IQCM: variants seen among roughly 807,000 people sequenced by gnomAD.
IQCM encodes IQ motif containing M.
Under a neutral mutation model 57.6 loss-of-function variants are expected in IQCM, and 45 were observed. The observed-to-expected ratio is 0.78, with a 90% CI of 0.62 to 1.00. The LOEUF (loss-of-function observed/expected upper bound fraction) is 1.00, where lower values mean the gene tolerates loss of function less well. Among genes scored for constraint, IQCM ranks in the 50% least tolerant of loss-of-function variants. The pLI is 0.00. For missense variants in IQCM, 468 were observed against 511.6 expected, an observed-to-expected ratio of 0.91 and a Z score of 0.82; for synonymous variants, 148 against 158.9, an observed-to-expected ratio of 0.93 and a Z score of 0.51.
chr4:149,358,286 A>G (rs541448201), intron 13 of IQCM, among the ~76,000 whole-genome samples: 14 of 152,164 alleles, frequency 9.2e-5, no homozygotes, highest in African/African-American at 2.4e-4. Flanking sequence ...GCCCTCTGCT[A>G]GCTTTTGAAT....
chr4:149,619,133 C>CAT (rs1335164744), intron 8 of IQCM, among the ~76,000 whole-genome samples: 3 of 95,224 alleles, frequency 3.2e-5, no homozygotes, highest in African/African-American at 1.1e-4. Context: ...TATATATATA[C>CAT]ACCATGGAAT....
chr4:149,352,097 A>G (rs1427032473), intron 13 of IQCM, 31 bp from the exon 14 acceptor site: 1 of 398,772 alleles, frequency 2.5e-6, no homozygotes, highest in Non-Finnish European at 4.4e-6. Flanking sequence ...TCACATTAAT[A>G]TATTTTCAAT....
intron 7 of IQCM, among the ~76,000 whole-genome samples, chr4:149,645,083 T>A (rs1179770667): frequency 6.6e-6 from 1 of 152,164 alleles, no homozygotes; most frequent in Non-Finnish European, 1.5e-5. Flanking sequence ...AGGATTTGGA[T>A]TTCTTCATTT....
chr4:149,813,485 G>A lies in IQCM; in HGVS notation c.-49+1826C>T, dbSNP rs180885861. ...AAAGCTCAATCTTAAGTCAGTGACA[G>A]GAAAAGCCAAGAATTAACTAGTTAC... On this transcript the variant is annotated intron_variant, in intron 2 of 13. Transcript: ENST00000636793. Among the ~76,000 whole-genome samples the A allele has an allele frequency of 6.8e-3, 1,031 of 152,090 alleles. 6 individuals carry two copies. The highest frequency in any genetic ancestry group is 0.01 in the Non-Finnish European group (705 of 67,936).
At chr4:149,377,964 G>A (rs892169587) in intron 13 of IQCM, among the ~76,000 whole-genome samples, 7 of 152,052 alleles carry the variant, frequency 4.6e-5, no homozygotes, top group South Asian at 4.2e-4. Flanking sequence ...CTCGTGTTGT[G>A]GGAGGGACCA....
intron 5 of IQCM, among the ~76,000 whole-genome samples, chr4:149,732,126 C>G (rs1220734612): frequency 6.6e-6 from 1 of 152,106 alleles, no homozygotes; most frequent in Admixed American, 6.6e-5. Context: ...TCACCTCTTC[C>G]CCCACCTACA....
At chr4:149,734,879 T>G (rs1766791388) in intron 4 of IQCM, among the ~76,000 whole-genome samples, 1 of 152,278 alleles carries the variant, frequency 6.6e-6, no homozygotes, top group Admixed American at 6.6e-5. Flanking sequence ...CAATCATTAT[T>G]GCTAGAGATA....
At chr4:149,769,289 G>A (rs1770342989) in intron 2 of IQCM, among the ~76,000 whole-genome samples, 1 of 151,962 alleles carries the variant, frequency 6.6e-6, no homozygotes, top group Non-Finnish European at 1.5e-5. Context: ...ATATTCAACT[G>A]CCTGCTGGAC....
intron 13 of IQCM, among the ~76,000 whole-genome samples, chr4:149,404,931 A>T (rs1212915422): frequency 6.6e-6 from 1 of 152,118 alleles, no homozygotes; most frequent in Non-Finnish European, 1.5e-5. Context: ...TCTATATAGC[A>T]AGCATAATTT....
intron 2 of IQCM, among the ~76,000 whole-genome samples, chr4:149,772,950 G>A (rs561904804): frequency 6.6e-6 from 1 of 152,282 alleles, no homozygotes; most frequent in Non-Finnish European, 1.5e-5. Context: ...GTTGTATAAA[G>A]AACTCTTAAA....
chr4:149,676,512 AAC>A (rs1471096858), intron 7 of IQCM, among the ~76,000 whole-genome samples: 3 of 152,030 alleles, frequency 2.0e-5, no homozygotes, highest in African/African-American at 4.8e-5. Flanking sequence ...GCATTATCTA[AAC>A]ACTTTGAGGT....
chr4:149,442,953 CAGAGAGAGAGAGAG>C (rs56890715), intron 12 of IQCM, among the ~76,000 whole-genome samples: 158 of 98,054 alleles, frequency 1.6e-3, no homozygotes, highest in African/African-American at 4.5e-3. Flanking sequence ...CACACACACA[CAGAGAGAGAGAGAG>C]AGAGAGAGAG....
intron 12 of IQCM, among the ~76,000 whole-genome samples, chr4:149,469,768 G>A (rs367956572): frequency 1.2e-4 from 18 of 152,286 alleles, no homozygotes; most frequent in Middle Eastern, 3.4e-3. Context: ...GACTAACAGC[G>A]GATCTCTCGG....
chr4:149,807,268 A>G (rs985617424), intron 2 of IQCM, among the ~76,000 whole-genome samples: 9 of 152,004 alleles, frequency 5.9e-5, no homozygotes, highest in Non-Finnish European at 1.5e-5. Context: ...ATTCTAAAAA[A>G]GCTACGGTAA....
chr4:149,483,010 CTAGGAA>C (rs749561640), intron 12 of IQCM, among the ~76,000 whole-genome samples: 5 of 151,778 alleles, frequency 3.3e-5, no homozygotes, highest in African/African-American at 4.8e-5. Flanking sequence ...TTGTATGTTT[CTAGGAA>C]TGTATCCATT....
chr4:149,393,186 C>T lies in IQCM; in HGVS notation c.1390+40210G>A, dbSNP rs551101661. 3.8e-4 allele frequency among the ~76,000 whole-genome samples: 58 copies of T among 151,794 alleles called. No individual in the cohort carries two copies. The East Asian group carries it at 5.4e-3, about 14-fold the overall frequency. On this transcript the variant is annotated intron_variant, in intron 13 of 13. Coordinates refer to ENST00000636793, the MANE Select transcript of IQCM (RefSeq NM_001363507.2). ...AAACCCTGCCTCCAAAAAATATATA[C>T]GCATATATAAATAAATAATAAAATA...
chr4:149,407,979 T>C (rs757088237), intron 13 of IQCM, among the ~76,000 whole-genome samples: 1 of 152,144 alleles, frequency 6.6e-6, no homozygotes, highest in African/African-American at 2.4e-5. Context: ...AAGCATTCCG[T>C]TTTCTCTATA....
At chr4:149,662,390 A>T (rs1347864040) in intron 7 of IQCM, among the ~76,000 whole-genome samples, 3 of 151,964 alleles carry the variant, frequency 2.0e-5, no homozygotes, top group Non-Finnish European at 1.5e-5. Flanking sequence ...TTCCATGTGC[A>T]GATGTTGGAT....
At chr4:149,811,578 TTC>T (rs1387856532) in intron 2 of IQCM, among the ~76,000 whole-genome samples, 2 of 152,232 alleles carry the variant, frequency 1.3e-5, no homozygotes, top group Non-Finnish European at 2.9e-5. Flanking sequence ...ATTTCCCTGC[TTC>T]TCTTTCTCTT....
Sources: allele counts gnomAD v4.1 joint callset (sites outside exome capture counted in the v4.1 genomes callset), GRCh38; gene constraint gnomAD v4.1.1; transcripts MANE v1.5; gene names NCBI Gene and HGNC (gene_info 2026-07-23, HGNC 2026-07-21).